GPHN: variants seen among roughly 807,000 people sequenced by gnomAD.
GPHN encodes the protein gephyrin.
Under a neutral mutation model 95.5 loss-of-function variants are expected in GPHN, and 17 were observed. That is an observed-to-expected ratio of 0.18 (90% CI 0.12 to 0.27). GPHN has a LOEUF of 0.27. Among genes scored for constraint, GPHN ranks in the 10% least tolerant of loss-of-function variants. The pLI is 1.00. For synonymous variants in GPHN, 320 were observed against 322.5 expected (o/e 0.99, Z 0.08); for missense variants, 660 against 978.1 (o/e 0.67, Z 4.34).
chr14:66,582,409 G>A lies in GPHN; in HGVS notation c.64+73818G>A, dbSNP rs901023899. The stretch of plus-strand genomic sequence containing the variant: ...TTTATTTTATTTTATTTTACTTTAA[G>A]TTTTAGGGTACATGTGCACAATGTG... On this transcript the variant is annotated intron_variant, in intron 1 of 22. Coordinates refer to ENST00000478722, the MANE Select transcript of GPHN (RefSeq NM_020806.5). Among the ~76,000 whole-genome samples the A allele has an allele frequency of 2.6e-5, 4 of 151,962 alleles. No individual in the cohort carries two copies. In the East Asian group the frequency reaches 7.7e-4, roughly 29 times the overall value.
intron 2 of GPHN, among the ~76,000 whole-genome samples, chr14:66,771,226 A>C (rs1340006706): frequency 1.3e-5 from 2 of 152,114 alleles, no homozygotes; most frequent in African/African-American, 4.8e-5. Flanking sequence ...TAAATCTTTG[A>C]TCACCGTGGA....
intron 11 of GPHN, among the ~76,000 whole-genome samples, chr14:67,062,329 A>G (rs1335149889): frequency 6.6e-6 from 1 of 152,236 alleles, no homozygotes; most frequent in Non-Finnish European, 1.5e-5. Flanking sequence ...TGGGGGAACC[A>G]AAAGGCCTTC....
chr14:66,815,887 A>C (rs140870526), intron 3 of GPHN, among the ~76,000 whole-genome samples: 1 of 152,326 alleles, frequency 6.6e-6, no homozygotes, highest in African/African-American at 2.4e-5. Context: ...ACCGAGACCC[A>C]TTGATATGCT....
At chr14:67,558,768 C>A in the GPHN span, among the ~76,000 whole-genome samples, 1 of 152,236 alleles carries the variant, frequency 6.6e-6, no homozygotes, top group African/African-American at 2.4e-5. Context: ...CAAACCAGGT[C>A]AGGGTTGGCC....
chr14:67,018,986 A>T (rs1473160181), intron 9 of GPHN, among the ~76,000 whole-genome samples: 1 of 152,234 alleles, frequency 6.6e-6, no homozygotes, highest in Non-Finnish European at 1.5e-5. Context: ...GACATTGCTA[A>T]CTAAATTGGG....
the GPHN span, among the ~76,000 whole-genome samples, chr14:67,676,390 C>T: frequency 1.9e-4 from 29 of 152,138 alleles, no homozygotes; most frequent in African/African-American, 6.8e-4. Flanking sequence ...CAGCACAATG[C>T]TGGGACTTGT....
chr14:66,644,113 T>C (rs117607299), intron 1 of GPHN, among the ~76,000 whole-genome samples: 2,025 of 152,174 alleles, frequency 0.013, 24 homozygotes, highest in Middle Eastern at 0.02. Context: ...AAGCTACCTG[T>C]CCTTTGTTGA....
chr14:67,233,461 T>A, the GPHN span, among the ~76,000 whole-genome samples: 1 of 152,172 alleles, frequency 6.6e-6, no homozygotes, highest in African/African-American at 2.4e-5. Context: ...CCATAGTCTA[T>A]CACATGAGAA....
chr14:67,458,525 G>A, the GPHN span, among the ~76,000 whole-genome samples: 2 of 152,196 alleles, frequency 1.3e-5, no homozygotes, highest in South Asian at 4.2e-4. Context: ...TCAGGATCTC[G>A]ACTGATACTA....
chr14:67,515,988 A>C, the GPHN span, among the ~76,000 whole-genome samples: 1 of 152,266 alleles, frequency 6.6e-6, no homozygotes, highest in Non-Finnish European at 1.5e-5. Context: ...CATAAAGGTT[A>C]CAGAGAATAT....
the GPHN span, among the ~76,000 whole-genome samples, chr14:67,432,917 C>G: frequency 3.9e-5 from 6 of 152,102 alleles, no homozygotes; most frequent in African/African-American, 1.4e-4. Context: ...ATTTAGGGCC[C>G]ACCCTCATCT....
intron 1 of GPHN, among the ~76,000 whole-genome samples, chr14:66,651,775 G>A (rs1182166779): frequency 6.6e-6 from 1 of 151,842 alleles, no homozygotes; most frequent in East Asian, 1.9e-4. Flanking sequence ...CAACCAAAAT[G>A]AGATTATGGA....
At chr14:67,735,134 T>C in the GPHN span, 1 of 825,006 alleles carries the variant, frequency 1.2e-6, no homozygotes, top group East Asian at 2.4e-5. Flanking sequence ...GGCATGGGTG[T>C]TGATTCGACA....
At chr14:67,280,594 G>C in the GPHN span, among the ~76,000 whole-genome samples, 2 of 152,188 alleles carry the variant, frequency 1.3e-5, no homozygotes, top group Non-Finnish European at 2.9e-5. Flanking sequence ...GTAGAGCCAA[G>C]TTTGAATTTG....
At chr14:67,488,011 G>T in the GPHN span, among the ~76,000 whole-genome samples, 1 of 152,184 alleles carries the variant, frequency 6.6e-6, no homozygotes, top group Non-Finnish European at 1.5e-5. Context: ...ATATGAAAGT[G>T]CTAAAGCTTC....
At chr14:67,727,671 G>A in the GPHN span, 191 of 207,412 alleles carry the variant, frequency 9.2e-4, 9 homozygotes, top group South Asian at 0.014. Context: ...TAGAAGAGAC[G>A]AGCTTTCACC....
At chr14:67,129,999 C>A (rs749683054) in intron 17 of GPHN, among the ~76,000 whole-genome samples, 15 of 152,172 alleles carry the variant, frequency 9.9e-5, no homozygotes, top group Non-Finnish European at 2.1e-4. Flanking sequence ...TTCAACCTCT[C>A]ATTATAAATT....
intron 1 of GPHN, among the ~76,000 whole-genome samples, chr14:66,562,943 T>G (rs543351305): frequency 1.3e-5 from 2 of 152,014 alleles, no homozygotes; most frequent in Non-Finnish European, 2.9e-5. Flanking sequence ...ATAATCCTTA[T>G]GCGAAAGTGG....
the GPHN span, among the ~76,000 whole-genome samples, chr14:67,672,441 T>C: frequency 8.8e-6 from 1 of 114,274 alleles, no homozygotes; most frequent in Non-Finnish European, 2.1e-5. Flanking sequence ...TTTTTTCTTT[T>C]CTTTTCTTTT....
Sources: gnomAD v4.1 joint callset for allele counts (sites outside exome capture counted in the v4.1 genomes callset) on GRCh38, gnomAD v4.1.1 for gene constraint, MANE v1.5 for transcripts, NCBI Gene and HGNC (gene_info 2026-07-23, HGNC 2026-07-21) for gene names.